The following CNBD2 variants were observed in gnomAD, a reference collection of about 807,000 sequenced individuals.
CNBD2 encodes cyclic nucleotide-binding domain-containing protein 2.
In CNBD2, 64 loss-of-function variants were observed where a neutral mutation model predicts 63.7. The observed-to-expected ratio is 1.00, with a 90% confidence interval of 0.82 to 1.24. The LOEUF (loss-of-function observed/expected upper bound fraction) is 1.24, where lower values mean the gene tolerates loss of function less well. Ranked by LOEUF, CNBD2 falls within the 50% of genes most tolerant of loss-of-function variation. The pLI is 0.00. For synonymous variants in CNBD2, 229 were observed against 255.4 expected (o/e 0.90, Z 0.99); for missense variants, 691 against 713.5 (o/e 0.97, Z 0.36).
intron 7 of CNBD2, among the ~76,000 whole-genome samples, chr20:35,988,419 C>T (rs1050079685): frequency 1.3e-5 from 2 of 152,134 alleles, no homozygotes; most frequent in South Asian, 4.1e-4. Context: ...GATCTGCCTG[C>T]CTCAGCCTCC....
At chr20:35,964,758 A>T (rs1467247598), upstream of CNBD2, among the ~76,000 whole-genome samples, 1 of 151,242 alleles carries the variant, frequency 6.6e-6, no homozygotes, top group East Asian at 2.0e-4. Flanking sequence ...GCTGGAGTGC[A>T]GTGCCATGAT....
At chr20:35,999,238 T>A (rs930702673) in intron 8 of CNBD2, among the ~76,000 whole-genome samples, 2 of 152,226 alleles carry the variant, frequency 1.3e-5, no homozygotes, top group African/African-American at 4.8e-5. Flanking sequence ...CAGCATATAA[T>A]TGGATCTTGC....
intron 2 of CNBD2, among the ~76,000 whole-genome samples, chr20:35,975,280 C>T (rs1302306856): frequency 7.6e-6 from 1 of 131,074 alleles, no homozygotes; most frequent in Admixed American, 7.6e-5. Flanking sequence ...GGATTACAGG[C>T]GTGAGCCACC....
At chr20:36,023,500 C>T (rs1346730960) in intron 10 of CNBD2, 102 bp from the exon 11 acceptor site, 24 of 1,119,040 alleles carry the variant, frequency 2.1e-5, no homozygotes, top group South Asian at 9.0e-5. Context: ...GCAACAACAG[C>T]GAAACTCCGT....
intron 10 of CNBD2, among the ~76,000 whole-genome samples, chr20:36,013,293 C>T (rs2057087363): frequency 6.6e-6 from 1 of 151,950 alleles, no homozygotes; most frequent in Admixed American, 6.6e-5. Flanking sequence ...TGGTGGGTGC[C>T]TTTAGTTCCA....
chr20:35,975,901 G>A, intron 2 of CNBD2, 48 bp from the exon 3 acceptor site: 3 of 1,549,688 alleles, frequency 1.9e-6, no homozygotes, highest in Non-Finnish European at 2.7e-6. Context: ...AAAGTTCTAG[G>A]GGCAGTCTTG....
chr20:35,981,150 A>G (rs2056594146), intron 4 of CNBD2, among the ~76,000 whole-genome samples: 1 of 152,178 alleles, frequency 6.6e-6, no homozygotes, highest in Admixed American at 6.5e-5. Flanking sequence ...AGCAAAAGCG[A>G]CAGATGTCTG....
intron 10 of CNBD2, among the ~76,000 whole-genome samples, chr20:36,022,342 G>A (rs564966578): frequency 1.3e-5 from 2 of 151,392 alleles, no homozygotes; most frequent in East Asian, 3.9e-4. Context: ...GGAACTACAG[G>A]CACGTGCCAC....
chr20:35,966,166 G>C (rs2056343508), upstream of CNBD2, among the ~76,000 whole-genome samples: 2 of 152,064 alleles, frequency 1.3e-5, no homozygotes, highest in African/African-American at 4.8e-5. Context: ...TTGCAGTGGG[G>C]GAGGCAAAAA....
chr20:35,956,974 T>G (rs998950640), downstream of CNBD2, among the ~76,000 whole-genome samples: 1 of 152,140 alleles, frequency 6.6e-6, no homozygotes, highest in Non-Finnish European at 1.5e-5. Flanking sequence ...CTGGTGGGGG[T>G]TAAATCATAA....
At position 36,022,332 on chromosome 20, in the gene CNBD2, G is replaced by A. The variant is rs1355717826; in HGVS notation, c.1270-1270G>A. ...TCCTGCCTTAGCCTCCCAAGTAGCC[G>A]GAACTACAGGCACGTGCCACCATGC... On this transcript the variant is annotated intron_variant, in intron 10 of 11. Coordinates refer to ENST00000373973, the MANE Select transcript of CNBD2 (RefSeq NM_001365709.1). Among the ~76,000 whole-genome samples the A allele has an allele frequency of 6.0e-5, 9 of 150,218 alleles. No homozygotes were observed. In the East Asian group the frequency reaches 6.0e-4, roughly 10 times the overall value.
At chr20:36,019,400 G>T (rs527275271) in intron 10 of CNBD2, among the ~76,000 whole-genome samples, 7 of 151,992 alleles carry the variant, frequency 4.6e-5, no homozygotes, top group African/African-American at 1.7e-4. Context: ...GTGCACACCT[G>T]TAGTCCCAGC....
chr20:35,960,101 C>A (rs1389015729), downstream of CNBD2, among the ~76,000 whole-genome samples: 1 of 152,156 alleles, frequency 6.6e-6, no homozygotes, highest in Non-Finnish European at 1.5e-5. Context: ...GTAAGGGATA[C>A]CAGTACTTCC....
chr20:35,985,800 C>A (rs1191744136), intron 6 of CNBD2, among the ~76,000 whole-genome samples: 1 of 152,148 alleles, frequency 6.6e-6, no homozygotes, highest in Non-Finnish European at 1.5e-5. Flanking sequence ...AACTATAATT[C>A]TTGATTGCAT....
chr20:36,030,269 A>T, intron 11 of CNBD2, 88 bp from the exon 12 acceptor site: 3 of 1,285,222 alleles, frequency 2.3e-6, no homozygotes, highest in Non-Finnish European at 3.4e-6. Context: ...ATGAAGCGCC[A>T]CATGCTTAGG....
At chr20:36,028,885 AG>A (rs2057311939) in intron 11 of CNBD2, among the ~76,000 whole-genome samples, 1 of 152,106 alleles carries the variant, frequency 6.6e-6, no homozygotes. Context: ...CATCTTGGCC[AG>A]GCTAGTCTCA....
In CNBD2 at chr20:35,995,114, A is replaced by T. The variant is rs753664451; in HGVS notation, c.932A>T (p.Glu311Val). 1.2e-6 allele frequency: 2 copies of T among 1,614,012 alleles called. No individual in the cohort carries two copies. The highest frequency in any genetic ancestry group is 3.3e-5 in the Admixed American group (2 of 60,006). ...SYRRWIWQHL[E>V]LIDGRPLKTH... is the part of the protein sequence containing the mutation. ...CGTAGATGGATCTGGCAGCACCTGG[A>T]GCTGATAGATGGCAGACCTCTGAAG... The change falls in exon 8 of 12, where the codon GAG (glutamate) becomes GTG (valine). Residue 311 changes from glutamate (E) to valine (V), a missense_variant. Glu to Val is a moderately radical substitution (Grantham distance 121). Transcript: ENST00000373973.
At chr20:35,983,784 A>C (rs1450293225) in intron 4 of CNBD2, among the ~76,000 whole-genome samples, 198 bp from the exon 5 acceptor site, 1 of 152,218 alleles carries the variant, frequency 6.6e-6, no homozygotes, top group African/African-American at 2.4e-5. Context: ...GCTTCAGTTC[A>C]ACCGAGGCAG....
At chr20:35,965,530 T>C (rs754824550), upstream of CNBD2, among the ~76,000 whole-genome samples, 11 of 152,182 alleles carry the variant, frequency 7.2e-5, no homozygotes, top group Admixed American at 5.9e-4. Context: ...TTTTATACAT[T>C]ATGAAAATGA....
Sources: gnomAD v4.1 joint callset for allele counts (sites outside exome capture counted in the v4.1 genomes callset) on GRCh38, gnomAD v4.1.1 for gene constraint, MANE v1.5 for transcripts, NCBI Gene and HGNC (gene_info 2026-07-23, HGNC 2026-07-21) for gene names.